Variants in PNLIPRP3 observed in about 807,000 individuals in gnomAD.
PNLIPRP3 encodes pancreatic lipase-related protein 3.
A neutral mutation model predicts 52.8 loss-of-function variants in PNLIPRP3; 58 were observed. That is an observed-to-expected ratio of 1.10 (90% CI 0.89 to 1.37). The LOEUF is 1.37. Among genes scored for constraint, PNLIPRP3 ranks in the 40% most tolerant of loss-of-function variants. PNLIPRP3 has a pLI of 0.00. For missense variants in PNLIPRP3, 593 were observed against 561.6 expected, an observed-to-expected ratio of 1.06 and a Z score of -0.57; for synonymous variants, 192 against 185.0, an observed-to-expected ratio of 1.04 and a Z score of -0.31.
chr10:116,443,747 GTGTGTGTGTGTGTGTGTA>G (rs1281078134), intron 3 of PNLIPRP3, among the ~76,000 whole-genome samples: 16 of 18,786 alleles, frequency 8.5e-4, no homozygotes, highest in South Asian at 7.4e-3. Context: ...AATTACTAAT[GTGTGTGTGTGTGTGTGTA>G]TGTGTGTGTG....
chr10:116,435,146 A>T (rs750668762), intron 1 of PNLIPRP3, among the ~76,000 whole-genome samples: 1 of 152,226 alleles, frequency 6.6e-6, no homozygotes, highest in Non-Finnish European at 1.5e-5. Context: ...TTATCTAGTT[A>T]TAATAATATA....
At chr10:116,435,598 C>G (rs1845763769) in intron 1 of PNLIPRP3, among the ~76,000 whole-genome samples, 1 of 152,154 alleles carries the variant, frequency 6.6e-6, no homozygotes, top group African/African-American at 2.4e-5. Context: ...TTTGCTGAGG[C>G]TGGAATGTGG....
intron 8 of PNLIPRP3, among the ~76,000 whole-genome samples, chr10:116,467,118 G>T (rs1846292449): frequency 6.6e-6 from 1 of 152,144 alleles, no homozygotes; most frequent in Non-Finnish European, 1.5e-5. Context: ...CTGCCAAATT[G>T]GAGTACCCTT....
rs533634066 is a variant in PNLIPRP3 at position 116,427,880 on chromosome 10, G to A, written c.-133G>A. ...TGCAGAGCATAAGGTGGAATAACAT[G>A]TTCTTTTAAACGTAGAGTTTAAACA... is the stretch of plus-strand genomic sequence containing the variant. On this transcript the variant is annotated 5_prime_UTR_variant, in exon 1 of 12. The change abolishes an upstream ATG in the 5' untranslated region. Coordinates refer to ENST00000369230, the MANE Select transcript of PNLIPRP3 (RefSeq NM_001011709.3). 29 of 710,106 alleles carry A rather than the reference G, an allele frequency of 4.1e-5. No homozygotes were observed. The highest frequency in any genetic ancestry group is 3.4e-4 in the Middle Eastern group (1 of 2,932). The allele number at this position is 710,106 out of a possible 1,614,324, so 44.0% of individuals were successfully genotyped here.
chr10:116,472,259 A>G (rs1276765914), intron 10 of PNLIPRP3, among the ~76,000 whole-genome samples: 1 of 152,198 alleles, frequency 6.6e-6, no homozygotes, highest in East Asian at 1.9e-4. Context: ...ATAAATTGCT[A>G]AATTTCTAAT....
intron 7 of PNLIPRP3, 83 bp downstream of exon 7, chr10:116,461,373 A>G: frequency 6.9e-7 from 1 of 1,438,938 alleles, no homozygotes; most frequent in Non-Finnish European, 9.5e-7. Context: ...ACTTTTGTGT[A>G]TAATATACAT....
chr10:116,442,002 A>T (rs993530991), intron 2 of PNLIPRP3, among the ~76,000 whole-genome samples: 1 of 152,162 alleles, frequency 6.6e-6, no homozygotes, highest in Non-Finnish European at 1.5e-5. Context: ...TGTATGATTA[A>T]TTGCATTACT....
intron 4 of PNLIPRP3, among the ~76,000 whole-genome samples, chr10:116,453,862 GCACC>G (rs953878939): frequency 2.9e-4 from 44 of 152,182 alleles, no homozygotes; most frequent in African/African-American, 1.0e-3. Flanking sequence ...ATGGTTTGCT[GCACC>G]TATCAACCCA....
intron 7 of PNLIPRP3, among the ~76,000 whole-genome samples, chr10:116,465,449 G>A (rs1327977043): frequency 6.6e-6 from 1 of 151,892 alleles, no homozygotes; most frequent in Non-Finnish European, 1.5e-5. Context: ...GCAGGAGAAT[G>A]GCGTGAACCC....
chr10:116,470,904 G>C (rs1846360664), intron 9 of PNLIPRP3, among the ~76,000 whole-genome samples: 1 of 152,116 alleles, frequency 6.6e-6, no homozygotes. Context: ...GGGCCCCATA[G>C]AGGCTCATTG....
In PNLIPRP3 at chr10:116,473,421, T is replaced by C. The variant is rs181064163; in HGVS notation, c.1172+1542T>C. Among the ~76,000 whole-genome samples the C allele has an allele frequency of 4.6e-5, 7 of 152,362 alleles. No homozygotes were observed. In the East Asian group the frequency reaches 1.3e-3, roughly 29 times the overall value. Reference sequence around the variant, plus strand: ...GATGGTATATAAGGTATATTTTTAATCCCATCCATTTAATACTATACAAAT... The same window carrying C: ...GATGGTATATAAGGTATATTTTTAACCCCATCCATTTAATACTATACAAAT... On this transcript the variant is annotated intron_variant, in intron 10 of 11. Coordinates refer to ENST00000369230, the MANE Select transcript of PNLIPRP3 (RefSeq NM_001011709.3).
In PNLIPRP3 at chr10:116,427,861, G is replaced by A. The variant is rs1201356602; in HGVS notation, c.-152G>A. The A allele has an allele frequency of 1.5e-6, 1 of 650,452 alleles. No homozygotes were observed. The highest frequency in any genetic ancestry group is 2.8e-6 in the Non-Finnish European group (1 of 360,152). 40.3% of individuals were successfully genotyped at this position (650,452 alleles called of 1,614,324 possible). On this transcript the variant is annotated 5_prime_UTR_variant, in exon 1 of 12. Coordinates refer to ENST00000369230, the MANE Select transcript of PNLIPRP3 (RefSeq NM_001011709.3). ...CCGATAATTTTATTTACTTTGCAGA[G>A]CATAAGGTGGAATAACATGTTCTTT...
chr10:116,428,035 C>T lies in PNLIPRP3; in HGVS notation c.23C>T (p.Ala8Val). The T allele has an allele frequency of 6.2e-7, 1 of 1,608,882 alleles. No individual in the cohort carries two copies. The change falls in exon 1 of 12, where the codon GCA becomes GTA. Residue 8 changes from alanine to valine, a missense_variant. Coordinates refer to ENST00000369230, the MANE Select transcript of PNLIPRP3 (RefSeq NM_001011709.3). ...TAGATGCTTGGAATTTGGATTGTTG[C>T]ATTCTTGTTCTTTGGCACATCAAGA... is the stretch of plus-strand genomic sequence containing the variant. MLGIWIV[A>V]FLFFGTSRGK...
rs565822466 is a variant in PNLIPRP3 at position 116,467,852 on chromosome 10, G to A, written c.928-1333G>A. Reference sequence around the variant, plus strand: ...TTATTAAAAGTAATGTCGGCCGGGCGCGGTGGCTCACGCTTGTAATCCCAG... The same window carrying A: ...TTATTAAAAGTAATGTCGGCCGGGCACGGTGGCTCACGCTTGTAATCCCAG... On this transcript the variant is annotated intron_variant, in intron 8 of 11. Transcript: ENST00000369230. Among the ~76,000 whole-genome samples, 15 of 152,034 alleles carry A rather than the reference G, an allele frequency of 9.9e-5. No individual in the cohort carries two copies. The East Asian group carries it at 1.2e-3, about 12-fold the overall frequency.
intron 4 of PNLIPRP3, among the ~76,000 whole-genome samples, chr10:116,447,662 G>A (rs773701850): frequency 7.2e-5 from 11 of 152,280 alleles, no homozygotes; most frequent in East Asian, 3.9e-4. Flanking sequence ...AAGGCTGAGC[G>A]TGGTGGCCCA....
rs771387919 is a variant in PNLIPRP3 at position 116,436,667 on chromosome 10, T to C, written c.50-44T>C. On this transcript the variant is annotated intron_variant, in intron 1 of 11. Transcript: ENST00000369230. Reference sequence around the variant, plus strand: ...CATAGTGAGAAACACAGCCTCTCTCTAAGCCTGGTTCCTCTATACTGACAC... The same window carrying C: ...CATAGTGAGAAACACAGCCTCTCTCCAAGCCTGGTTCCTCTATACTGACAC... 5.2e-6 allele frequency: 8 copies of C among 1,532,308 alleles called. No individual in the cohort carries two copies. The Admixed American group carries it at 1.5e-4, about 30-fold the overall frequency. 94.9% of individuals were successfully genotyped at this position (1,532,308 alleles called of 1,614,324 possible).
chr10:116,460,986 T>A lies in PNLIPRP3; in HGVS notation c.586T>A (p.Phe196Ile). 6.2e-7 allele frequency: 1 copy of A among 1,613,960 alleles called. No individual in the cohort carries two copies. The highest frequency in any genetic ancestry group is 8.5e-7 in the Non-Finnish European group (1 of 1,179,890). Residue 196 changes from phenylalanine (F) to isoleucine (I), a missense_variant, in exon 6 of 12, where the codon TTT becomes ATT. Phe to Ile is a conservative substitution (Grantham distance 21). Coordinates refer to ENST00000369230, the MANE Select transcript of PNLIPRP3 (RefSeq NM_001011709.3). ...RITGLDPAGP[F>I]FHNTPKEVRL... is the part of the protein sequence containing the mutation. ...TCTAGGGTTGGACCCAGCTGGGCCA[T>A]TTTTCCACAACACTCCAAAGGAAGT...
rs775476386 is a variant in PNLIPRP3, at chr10:116,443,060, C to A, written c.210C>A (p.Ile70=). 3.8e-6 allele frequency: 6 copies of A among 1,582,250 alleles called. No homozygotes were observed. Among genetic ancestry groups the A allele is most frequent in the African/African-American group, 1.3e-5 (1 of 74,188 alleles). ...TCTCTTTCTGCTTGAAACAGGAGAT[C>A]AGTGCGGTTAATTCTTCAACTATCC... ...TIHNPNAYQE[I]SAVNSSTIQA... Residue 70 remains isoleucine (I), a synonymous_variant, in exon 3 of 12, where the codon ATC becomes ATA. Coordinates refer to ENST00000369230, the MANE Select transcript of PNLIPRP3 (RefSeq NM_001011709.3).
intron 4 of PNLIPRP3, among the ~76,000 whole-genome samples, chr10:116,451,637 C>T (rs1311145043): frequency 2.0e-5 from 3 of 152,182 alleles, no homozygotes; most frequent in African/African-American, 7.2e-5. Flanking sequence ...TACCTCCCCA[C>T]TTACTCTCTT....
Sources: allele counts gnomAD v4.1 joint callset (sites outside exome capture counted in the v4.1 genomes callset), GRCh38; gene constraint gnomAD v4.1.1; transcripts MANE v1.5; gene names NCBI Gene and HGNC (gene_info 2026-07-23, HGNC 2026-07-21).